ODAD2: variants seen among roughly 807,000 people sequenced by gnomAD.
ODAD2 encodes outer dynein arm docking complex subunit 2, also known as outer dynein arm-docking complex subunit 2.
In ODAD2, 89 loss-of-function variants were observed where a neutral mutation model predicts 106.8. That is an observed-to-expected ratio of 0.83 (90% CI 0.70 to 0.99). The LOEUF is 0.99. Among genes scored for constraint, ODAD2 ranks in the 50% least tolerant of loss-of-function variants. ODAD2 has a pLI of 0.00. For missense variants in ODAD2, 1,168 were observed against 1,238.5 expected (o/e 0.94, Z 0.85); for synonymous variants, 404 against 436.2 (o/e 0.93, Z 0.92).
intron 16 of ODAD2, among the ~76,000 whole-genome samples, chr10:27,932,965 T>C (rs1241880970): frequency 1.3e-5 from 2 of 152,048 alleles, no homozygotes; most frequent in African/African-American, 4.8e-5. Context: ...TGTAAAGGAA[T>C]AAATAAGGAG....
At chr10:27,997,935 GTGTTTACATAAACTGGGA>G (rs1250643980) in intron 1 of ODAD2, among the ~76,000 whole-genome samples, 2 of 152,140 alleles carry the variant, frequency 1.3e-5, no homozygotes. Flanking sequence ...TTTTGGTTAC[GTGTTTACATAAACTGGGA>G]TGTTTACATA....
chr10:27,970,134 A>AAATGAATG (rs71391006), intron 8 of ODAD2, among the ~76,000 whole-genome samples: 7 of 147,260 alleles, frequency 4.8e-5, no homozygotes, highest in Non-Finnish European at 7.4e-5. Flanking sequence ...ATAAATAAAT[A>AAATGAATG]AATAAATAAA....
At chr10:27,974,177 A>G (rs1199496772) in intron 7 of ODAD2, among the ~76,000 whole-genome samples, 1 of 151,876 alleles carries the variant, frequency 6.6e-6, no homozygotes. Context: ...TGGATATTAA[A>G]CCTTTGTCAG....
intron 16 of ODAD2, among the ~76,000 whole-genome samples, chr10:27,919,002 A>G (rs544207866): frequency 6.6e-6 from 1 of 152,024 alleles, no homozygotes; most frequent in African/African-American, 2.4e-5. Context: ...AAAATGTGCA[A>G]TGCTCTACAT....
chr10:27,940,261 A>ATG lies in ODAD2; in HGVS notation c.1987-256_1987-255dup, dbSNP rs1554815644. ...GTGATATATATATAAATGTCAGTAT[A>ATG]TGTGATATATATATAAATGCCAGTA... On this transcript the variant is annotated intron_variant, in intron 13 of 19. Coordinates refer to ENST00000305242, the MANE Select transcript of ODAD2 (RefSeq NM_018076.5). 0.052 allele frequency among the ~76,000 whole-genome samples: 7,743 copies of ATG among 148,722 alleles called. 656 individuals carry two copies. The highest frequency in any genetic ancestry group is 0.19 in the African/African-American group (7,319 of 39,204).
At chr10:27,955,215 G>A (rs548172799) in intron 10 of ODAD2, among the ~76,000 whole-genome samples, 34 of 152,182 alleles carry the variant, frequency 2.2e-4, no homozygotes, top group African/African-American at 8.2e-4. Flanking sequence ...GAATAACTCT[G>A]TGCCATCACA....
chr10:27,820,364 A>T (rs1400964430), intron 19 of ODAD2, among the ~76,000 whole-genome samples: 3 of 151,810 alleles, frequency 2.0e-5, no homozygotes, highest in Non-Finnish European at 2.9e-5. Context: ...GGTTGTATTT[A>T]TTCCCAAACT....
chr10:27,862,468 C>T lies in ODAD2; in HGVS notation c.2765G>A (p.Gly922Glu), dbSNP rs1564439559. The change falls in exon 18 of 20, where the codon GGA becomes GAA. Residue 922 changes from glycine (G) to glutamate (E), a missense_variant. Gly to Glu is a moderately conservative substitution (Grantham distance 98). Around this residue, in one of 3 missense-constraint regions of ODAD2, gnomAD observed 701 missense variants for 712.3 expected, o/e 0.98. Coordinates refer to ENST00000305242, the MANE Select transcript of ODAD2 (RefSeq NM_018076.5). ...QENLAVITDH[G>E]VVPLLSKLAN... ...CAGTTTGGACAATAAAGGAACAACT[C>T]CATGATCTGTGATAACAGCTAAATT... 6.2e-7 allele frequency: 1 copy of T among 1,610,938 alleles called. No homozygotes were observed. Among genetic ancestry groups the T allele is most frequent in the South Asian group, 1.1e-5 (1 of 90,330 alleles).
chr10:27,927,574 G>C (rs932851700), intron 16 of ODAD2, among the ~76,000 whole-genome samples: 1 of 152,104 alleles, frequency 6.6e-6, no homozygotes, highest in African/African-American at 2.4e-5. Context: ...CACGTGGGAC[G>C]CCTATGTTCA....
chr10:27,989,600 C>T (rs1045540339), intron 2 of ODAD2, among the ~76,000 whole-genome samples: 5 of 152,196 alleles, frequency 3.3e-5, no homozygotes, highest in African/African-American at 1.2e-4. Flanking sequence ...GAGTGAAACT[C>T]CTGGTGAGAA....
chr10:27,824,415 C>T (rs1589756397), intron 19 of ODAD2, among the ~76,000 whole-genome samples: 1 of 152,110 alleles, frequency 6.6e-6, no homozygotes, highest in African/African-American at 2.4e-5. Context: ...GTAAGTTTGG[C>T]CCCCATCTGC....
At chr10:27,985,800 T>A (rs1360514654) in intron 3 of ODAD2, among the ~76,000 whole-genome samples, 1 of 150,174 alleles carries the variant, frequency 6.7e-6, no homozygotes, top group Non-Finnish European at 1.5e-5. Flanking sequence ...AATTTAATTA[T>A]ATATATATTA....
Position 27,971,007 on chromosome 10 carries a change from TAAAC to T in ODAD2, c.1142+97_1142+100del, listed in dbSNP as rs139300652. On this transcript the variant is annotated intron_variant, in intron 8 of 19. Coordinates refer to ENST00000305242, the MANE Select transcript of ODAD2 (RefSeq NM_018076.5). ...ATAAATAAATAAATAAATAAATAAA[TAAAC>T]AAACAAACAAAATAAAATAAAATAA... is the stretch of plus-strand genomic sequence containing the variant. The T allele has an allele frequency of 0.096, 38,586 of 403,606 alleles. 3,044 individuals are homozygous for T. The highest frequency in any genetic ancestry group is 0.34 in the East Asian group (5,189 of 15,446). The allele number at this position is 403,606 out of a possible 1,614,324, so 25.0% of individuals were successfully genotyped here. A position where few individuals can be genotyped will look rare whatever the true frequency, so the allele number is the denominator to read the frequency against.
At position 27,980,655 on chromosome 10, in the gene ODAD2, AAAC is replaced by A. The variant is rs577772314; in HGVS notation, c.936+808_936+810del. 1.2e-4 allele frequency among the ~76,000 whole-genome samples: 18 copies of A among 152,338 alleles called. No individual in the cohort carries two copies. In the South Asian group the frequency reaches 3.5e-3, roughly 30 times the overall value. ...CACACTGACTACGATGTTTATAATTAAACAACAACCTAGAAAATAAGAAGCATT... is the reference window on the plus strand; with the variant it reads ...CACACTGACTACGATGTTTATAATTAAACAACCTAGAAAATAAGAAGCATT... On this transcript the variant is annotated intron_variant, in intron 7 of 19. Coordinates refer to ENST00000305242, the MANE Select transcript of ODAD2 (RefSeq NM_018076.5).
At chr10:27,897,959 C>G (rs186466778) in intron 17 of ODAD2, among the ~76,000 whole-genome samples, 1 of 151,778 alleles carries the variant, frequency 6.6e-6, no homozygotes, top group Non-Finnish European at 1.5e-5. Flanking sequence ...GCCAGATATT[C>G]AGGAAAGAAA....
At chr10:27,919,569 A>T (rs1405322389) in intron 16 of ODAD2, among the ~76,000 whole-genome samples, 1 of 152,172 alleles carries the variant, frequency 6.6e-6, no homozygotes, top group African/African-American at 2.4e-5. Context: ...CAATACCATT[A>T]GTTATCAGAA....
intron 19 of ODAD2, among the ~76,000 whole-genome samples, chr10:27,832,147 GAGA>G (rs1837526417): frequency 6.6e-6 from 1 of 152,226 alleles, no homozygotes; most frequent in South Asian, 2.1e-4. Flanking sequence ...GAATGAGGCT[GAGA>G]AGATTTAAAA....
chr10:27,944,737 T>A, intron 11 of ODAD2, 79 bp downstream of exon 11: 1 of 1,558,262 alleles, frequency 6.4e-7, no homozygotes, highest in Non-Finnish European at 8.8e-7. Context: ...CAACGAGGCA[T>A]GGCAGAAACC....
chr10:27,936,907 T>A (rs1478173954), intron 14 of ODAD2, 27 bp from the exon 15 acceptor site: 3 of 1,575,110 alleles, frequency 1.9e-6, no homozygotes, highest in East Asian at 2.3e-5. Flanking sequence ...ACAGAGGCTG[T>A]CAGTCATCAA....
Sources: allele counts gnomAD v4.1 joint callset (sites outside exome capture counted in the v4.1 genomes callset), GRCh38; gene constraint gnomAD v4.1.1; regional missense constraint gnomAD v4.1.1; transcripts MANE v1.5; gene names NCBI Gene and HGNC (gene_info 2026-07-23, HGNC 2026-07-21).